Variants in KCNB2 observed in about 807,000 individuals in gnomAD.
KCNB2 encodes delayed rectifier potassium channel protein.
In KCNB2, 15 loss-of-function variants were observed where a neutral mutation model predicts 61.5. That is an observed-to-expected ratio of 0.24 (90% CI 0.16 to 0.38). The LOEUF (loss-of-function observed/expected upper bound fraction) is 0.38, where lower values mean the gene tolerates loss of function less well. KCNB2 is among the 10% of genes least tolerant of loss of function. The pLI, the probability that KCNB2 is intolerant of heterozygous loss-of-function variation, is 1.00. For synonymous variants in KCNB2, 457 were observed against 446.0 expected, an observed-to-expected ratio of 1.02 and a Z score of -0.31; for missense variants, 828 against 1,125.2, an observed-to-expected ratio of 0.74 and a Z score of 3.78.
chr8:72,864,660 A>G (rs1015163081), intron 2 of KCNB2, among the ~76,000 whole-genome samples: 3 of 152,204 alleles, frequency 2.0e-5, no homozygotes, highest in African/African-American at 7.2e-5. Flanking sequence ...GTAATTTGCC[A>G]ATAGAGATAT....
rs923833384 is a variant in KCNB2, at chr8:72,600,607, A to T, written c.579+32294A>T. ...TTAAAGTATAATAATAATAAAATTT[A>T]AAAAAAAAAGAAAATGTGGTATGTA... On this transcript the variant is annotated intron_variant, in intron 2 of 2. Transcript: ENST00000523207. Among the ~76,000 whole-genome samples, 173 of 146,126 alleles carry T rather than the reference A, an allele frequency of 1.2e-3. 1 individual carries two copies. The highest frequency in any genetic ancestry group is 2.1e-3 in the Non-Finnish European group (140 of 67,218).
chr8:72,653,443 A>C (rs1806242519), intron 2 of KCNB2, among the ~76,000 whole-genome samples: 1 of 147,500 alleles, frequency 6.8e-6, no homozygotes, highest in Non-Finnish European at 1.5e-5. Flanking sequence ...TCTCTTATTC[A>C]GCTTTTATTT....
At chr8:72,762,940 T>C (rs1453958800) in intron 2 of KCNB2, among the ~76,000 whole-genome samples, 5 of 146,186 alleles carry the variant, frequency 3.4e-5, no homozygotes, top group African/African-American at 1.3e-4. Flanking sequence ...ATACATACAA[T>C]AAGTGAATTT....
intron 2 of KCNB2, among the ~76,000 whole-genome samples, chr8:72,908,507 G>A (rs540140821): frequency 1.3e-5 from 2 of 152,200 alleles, no homozygotes; most frequent in African/African-American, 4.8e-5. Flanking sequence ...GAATGGATGG[G>A]TCAATGAATG....
At chr8:72,898,420 T>A (rs147494589) in intron 2 of KCNB2, among the ~76,000 whole-genome samples, 1,552 of 151,886 alleles carry the variant, frequency 0.01, 33 homozygotes, top group African/African-American at 0.035. Context: ...TGTGTACATG[T>A]ACCCTAAACT....
chr8:72,729,798 G>C (rs768073976), intron 2 of KCNB2, among the ~76,000 whole-genome samples: 1 of 151,914 alleles, frequency 6.6e-6, no homozygotes, highest in African/African-American at 2.4e-5. Flanking sequence ...CAGGAGAATC[G>C]CTTGAACCCG....
chr8:72,734,678 A>G (rs905242162), intron 2 of KCNB2, among the ~76,000 whole-genome samples: 12 of 152,198 alleles, frequency 7.9e-5, no homozygotes, highest in Admixed American at 6.6e-5. Context: ...AATGTCTTCA[A>G]TACCAAGTAG....
chr8:72,657,013 G>A (rs1316558612), intron 2 of KCNB2, among the ~76,000 whole-genome samples: 3 of 151,940 alleles, frequency 2.0e-5, no homozygotes, highest in South Asian at 2.1e-4. Flanking sequence ...ATTTCATTAG[G>A]GTAGAAAACC....
At chr8:72,867,372 G>A (rs1412434824) in intron 2 of KCNB2, among the ~76,000 whole-genome samples, 2 of 152,160 alleles carry the variant, frequency 1.3e-5, no homozygotes, top group Admixed American at 6.5e-5. Flanking sequence ...CCAGAGGCCG[G>A]GAGTGGTGGC....
intron 2 of KCNB2, among the ~76,000 whole-genome samples, chr8:72,668,023 GT>G (rs1170007786): frequency 6.6e-6 from 1 of 152,174 alleles, no homozygotes; most frequent in East Asian, 1.9e-4. Context: ...TGTACTCATG[GT>G]TATGGTTTAT....
chr8:72,592,962 AGGGAATAAAAATAAAT>A (rs1167405507), intron 2 of KCNB2, among the ~76,000 whole-genome samples: 1 of 152,216 alleles, frequency 6.6e-6, no homozygotes, highest in African/African-American at 2.4e-5. Context: ...AGAGAATCTA[AGGGAATAAAAATAAAT>A]AAAAGACTTT....
intron 2 of KCNB2, among the ~76,000 whole-genome samples, chr8:72,728,229 G>A (rs1307447908): frequency 6.6e-6 from 1 of 152,106 alleles, no homozygotes; most frequent in South Asian, 2.1e-4. Context: ...GGAAATAAAC[G>A]TTAACCCCAT....
chr8:72,768,157 AT>A (rs1420015678), intron 2 of KCNB2, among the ~76,000 whole-genome samples: 1 of 152,034 alleles, frequency 6.6e-6, no homozygotes, highest in African/African-American at 2.4e-5. Flanking sequence ...ATTTCATCCT[AT>A]TTTGTGTGTT....
intron 2 of KCNB2, among the ~76,000 whole-genome samples, chr8:72,871,638 A>T (rs1805619474): frequency 6.6e-6 from 1 of 152,196 alleles, no homozygotes; most frequent in African/African-American, 2.4e-5. Context: ...TCTTGTAACC[A>T]ATCTTACAAT....
At chr8:72,561,717 A>G (rs1371385906) in intron 1 of KCNB2, among the ~76,000 whole-genome samples, 360 of 23,982 alleles carry the variant, frequency 0.015, 34 homozygotes, top group Non-Finnish European at 0.019. Flanking sequence ...ATATATATAT[A>G]TATATATATA....
rs148846093 is a variant in KCNB2 at position 72,638,311 on chromosome 8, C to G, written c.579+69998C>G. Reference sequence around the variant, plus strand: ...TAGAGTGAGCACTCTAAAGTTTTCCCCTGTTCCTCTATGGAAATTCACAAA... The same window carrying G: ...TAGAGTGAGCACTCTAAAGTTTTCCGCTGTTCCTCTATGGAAATTCACAAA... On this transcript the variant is annotated intron_variant, in intron 2 of 2. Coordinates refer to ENST00000523207, the MANE Select transcript of KCNB2 (RefSeq NM_004770.3). Among the ~76,000 whole-genome samples, 32 of 152,150 alleles carry G rather than the reference C, an allele frequency of 2.1e-4. No individual in the cohort carries two copies. The East Asian group carries it at 6.2e-3, about 29-fold the overall frequency.
At chr8:72,659,915 C>T (rs1490728670) in intron 2 of KCNB2, among the ~76,000 whole-genome samples, 1 of 152,194 alleles carries the variant, frequency 6.6e-6, no homozygotes, top group Non-Finnish European at 1.5e-5. Context: ...TTGTGACTCA[C>T]TTTAATGTAT....
At chr8:72,848,245 A>T (rs1007629145) in intron 2 of KCNB2, among the ~76,000 whole-genome samples, 1 of 152,170 alleles carries the variant, frequency 6.6e-6, no homozygotes, top group Non-Finnish European at 1.5e-5. Context: ...TGTTTTCCAG[A>T]TATGAAAGGG....
At chr8:72,925,047 C>T (rs547258013) in intron 2 of KCNB2, among the ~76,000 whole-genome samples, 1 of 152,256 alleles carries the variant, frequency 6.6e-6, no homozygotes, top group South Asian at 2.1e-4. Flanking sequence ...TGATGCTGAC[C>T]CCAAAAGTAC....
Sources: gnomAD v4.1 joint callset for allele counts (sites outside exome capture counted in the v4.1 genomes callset) on GRCh38, gnomAD v4.1.1 for gene constraint, MANE v1.5 for transcripts, NCBI Gene and HGNC (gene_info 2026-07-23, HGNC 2026-07-21) for gene names.